The following TMEFF2 variants were observed in gnomAD, a reference collection of about 807,000 sequenced individuals.
TMEFF2 encodes tomoregulin-2.
TMEFF2 carries 28 observed loss-of-function variants against 53.8 expected under a neutral mutation model. The observed-to-expected ratio is 0.52, with a 90% CI of 0.39 to 0.71. The LOEUF is 0.71. Ranked by LOEUF, TMEFF2 falls within the 30% of genes least tolerant of loss-of-function variation. The pLI, the probability that TMEFF2 is intolerant of heterozygous loss-of-function variation, is 0.00. For missense variants in TMEFF2, 353 were observed against 455.2 expected (o/e 0.78, Z 2.04); for synonymous variants, 162 against 166.3 (o/e 0.97, Z 0.20).
intron 7 of TMEFF2, among the ~76,000 whole-genome samples, chr2:191,988,434 A>C (rs1306523295): frequency 2.0e-5 from 3 of 152,222 alleles, no homozygotes; most frequent in Non-Finnish European, 4.4e-5. Flanking sequence ...AAAAGTAAAT[A>C]GGAAAAAATC....
At chr2:191,970,498 G>A (rs923483000) in intron 7 of TMEFF2, among the ~76,000 whole-genome samples, 2 of 151,998 alleles carry the variant, frequency 1.3e-5, no homozygotes, top group Non-Finnish European at 2.9e-5. Flanking sequence ...CATTGGAGAT[G>A]TGCCACTAAA....
chr2:192,098,390 T>C (rs1688962677), intron 4 of TMEFF2, among the ~76,000 whole-genome samples: 1 of 152,200 alleles, frequency 6.6e-6, no homozygotes, highest in Non-Finnish European at 1.5e-5. Context: ...GGAATTAAAA[T>C]AATTTGCTCC....
intron 4 of TMEFF2, among the ~76,000 whole-genome samples, chr2:192,164,120 G>A (rs144152520): frequency 2.5e-4 from 38 of 152,092 alleles, no homozygotes; most frequent in African/African-American, 8.7e-4. Flanking sequence ...AATATAAACC[G>A]GATTATATTA....
chr2:192,067,229 G>C (rs1183426957), intron 4 of TMEFF2, among the ~76,000 whole-genome samples: 3 of 151,840 alleles, frequency 2.0e-5, no homozygotes, highest in Non-Finnish European at 4.4e-5. Flanking sequence ...GAGGAACAAA[G>C]TTAGATGGGA....
intron 5 of TMEFF2, among the ~76,000 whole-genome samples, chr2:192,051,682 C>T (rs1210250723): frequency 1.3e-5 from 2 of 152,156 alleles, no homozygotes; most frequent in East Asian, 3.9e-4. Flanking sequence ...TGCCCCACTT[C>T]AAATATTCAT....
chr2:192,117,986 T>TTTTTTTTTTTTTTTTTGAGAC (rs1689456223), intron 4 of TMEFF2, among the ~76,000 whole-genome samples: 3 of 150,208 alleles, frequency 2.0e-5, no homozygotes, highest in African/African-American at 7.4e-5. Flanking sequence ...GCTTTGTTTG[T>TTTTTTTTTTTTTTTTTGAGAC]GGGCTTTACC....
chr2:192,097,841 C>A (rs994348842), intron 4 of TMEFF2, among the ~76,000 whole-genome samples: 1 of 152,054 alleles, frequency 6.6e-6, no homozygotes, highest in African/African-American at 2.4e-5. Context: ...AAAGAAGGTG[C>A]GCAGTTAGGA....
chr2:192,056,836 C>G (rs903058399), intron 5 of TMEFF2, among the ~76,000 whole-genome samples: 1 of 152,218 alleles, frequency 6.6e-6, no homozygotes, highest in African/African-American at 2.4e-5. Flanking sequence ...CTCCCTTGCC[C>G]TTTTTGCCAT....
At chr2:192,037,000 C>CT (rs1205941911) in intron 5 of TMEFF2, 9 of 152,070 alleles carry the variant, frequency 5.9e-5, no homozygotes, top group Admixed American at 5.9e-4. Flanking sequence ...CATCTCACCC[C>CT]TTCTCAGGAT....
At chr2:192,035,063 T>G (rs1239064001) in intron 5 of TMEFF2, 1 of 152,214 alleles carries the variant, frequency 6.6e-6, no homozygotes, top group South Asian at 2.1e-4. Context: ...TCCACATTCA[T>G]CCTTTCTTAC....
chr2:192,026,889 G>A (rs1242035681), intron 5 of TMEFF2, among the ~76,000 whole-genome samples: 2 of 152,280 alleles, frequency 1.3e-5, no homozygotes, highest in East Asian at 3.9e-4. Flanking sequence ...AGCATTATTT[G>A]CTCACACAAT....
At chr2:192,072,587 A>AAT (rs1157456318) in intron 4 of TMEFF2, among the ~76,000 whole-genome samples, 3 of 151,624 alleles carry the variant, frequency 2.0e-5, no homozygotes, top group African/African-American at 7.2e-5. Flanking sequence ...AGATAAAATG[A>AAT]AGTTTTTTTC....
intron 4 of TMEFF2, among the ~76,000 whole-genome samples, chr2:192,123,770 A>T (rs1044070887): frequency 2.0e-5 from 3 of 152,234 alleles, no homozygotes; most frequent in Non-Finnish European, 2.9e-5. Flanking sequence ...TGATGTTTTG[A>T]ACAAGCTAAT....
At chr2:192,176,010 A>C (rs1183868499) in intron 4 of TMEFF2, among the ~76,000 whole-genome samples, 1 of 151,436 alleles carries the variant, frequency 6.6e-6, no homozygotes, top group African/African-American at 2.4e-5. Context: ...ACACCTCTGA[A>C]TTTTGAGAGG....
At chr2:191,998,932 CT>C in intron 6 of TMEFF2, 127 bp downstream of exon 6, 1 of 916,450 alleles carries the variant, frequency 1.1e-6, no homozygotes, top group Non-Finnish European at 1.7e-6. Flanking sequence ...GTAGACTCTA[CT>C]ATCCATTGTA....
chr2:192,081,268 T>G (rs1490610477), intron 4 of TMEFF2, among the ~76,000 whole-genome samples: 1 of 152,210 alleles, frequency 6.6e-6, no homozygotes, highest in Non-Finnish European at 1.5e-5. Context: ...TCTGAAAAAT[T>G]TGTTTGCAAA....
At chr2:192,099,621 C>T (rs779618276) in intron 4 of TMEFF2, among the ~76,000 whole-genome samples, 10 of 152,128 alleles carry the variant, frequency 6.6e-5, no homozygotes, top group South Asian at 2.1e-4. Flanking sequence ...GGCCCATATA[C>T]GAAGCCCCAC....
In TMEFF2 at chr2:191,956,191, T is replaced by C. The variant is rs962326592; in HGVS notation, c.869+64A>G. 190 of 1,494,302 alleles carry C rather than the reference T, an allele frequency of 1.3e-4. 1 individual carries two copies. The highest frequency in any genetic ancestry group is 1.2e-4 in the Non-Finnish European group (132 of 1,117,208). The allele number at this position is 1,494,302 out of a possible 1,614,324, so 92.6% of individuals were successfully genotyped here. A position where few individuals can be genotyped will look rare whatever the true frequency, so the allele number is the denominator to read the frequency against. On this transcript the variant is annotated intron_variant, in intron 8 of 9. Transcript: ENST00000272771. ...AATGTCTACCAATTTTCTATAAACA[T>C]CTACAATTTAGTTTCTACATATTAA...
chr2:191,984,016 T>G (rs189425185), intron 7 of TMEFF2, among the ~76,000 whole-genome samples: 96 of 152,300 alleles, frequency 6.3e-4, no homozygotes, highest in African/African-American at 2.0e-3. Context: ...AATAATAGTT[T>G]GTATGTATTC....
Sources: allele counts gnomAD v4.1 joint callset (sites outside exome capture counted in the v4.1 genomes callset), GRCh38; gene constraint gnomAD v4.1.1; transcripts MANE v1.5; gene names NCBI Gene and HGNC (gene_info 2026-07-23, HGNC 2026-07-21).